Variants in SMOC1 observed in about 807,000 individuals in gnomAD.
SMOC1 encodes the protein SPARC-related modular calcium-binding protein 1.
Under a neutral mutation model 56.3 loss-of-function variants are expected in SMOC1, and 22 were observed. The ratio of observed to expected loss-of-function variants is 0.39; its 90% confidence interval spans 0.28 to 0.56. The LOEUF (loss-of-function observed/expected upper bound fraction) is 0.56, where lower values mean the gene tolerates loss of function less well. Ranked by LOEUF, SMOC1 falls within the 20% of genes least tolerant of loss-of-function variation. The pLI is 0.61. For missense variants in SMOC1, 509 were observed against 565.4 expected (o/e 0.90, Z 1.01); for synonymous variants, 193 against 215.0 (o/e 0.90, Z 0.89).
At chr14:69,924,465 TG>T (rs1884935948) in intron 1 of SMOC1, among the ~76,000 whole-genome samples, 1 of 152,078 alleles carries the variant, frequency 6.6e-6, no homozygotes, top group South Asian at 2.1e-4. Context: ...TCTTTAGAAG[TG>T]GATATCGAAT....
intron 6 of SMOC1, among the ~76,000 whole-genome samples, chr14:69,993,180 G>A (rs1261499564): frequency 6.6e-6 from 1 of 152,134 alleles, no homozygotes; most frequent in Non-Finnish European, 1.5e-5. Context: ...TGTGTAGGTT[G>A]TAGGGACGTT....
At chr14:69,918,916 G>A (rs1884758217) in intron 1 of SMOC1, among the ~76,000 whole-genome samples, 2 of 152,166 alleles carry the variant, frequency 1.3e-5, no homozygotes. Context: ...AAATGGTGCA[G>A]GCAGAAGGAA....
chr14:70,027,559 GT>G (rs140629578), intron 11 of SMOC1, among the ~76,000 whole-genome samples: 3,332 of 152,304 alleles, frequency 0.022, 58 homozygotes, highest in Middle Eastern at 0.085. Flanking sequence ...AGCAGTGTGG[GT>G]ATACCATGAT....
intron 3 of SMOC1, among the ~76,000 whole-genome samples, chr14:69,965,101 GGTGCAGTAGC>G (rs1476444025): frequency 6.6e-6 from 1 of 152,104 alleles, no homozygotes; most frequent in Non-Finnish European, 1.5e-5. Flanking sequence ...GACTAGGCCG[GGTGCAGTAGC>G]GCACGCCTGT....
chr14:69,972,938 C>A (rs1198331411), intron 3 of SMOC1, among the ~76,000 whole-genome samples: 1 of 152,214 alleles, frequency 6.6e-6, no homozygotes, highest in African/African-American at 2.4e-5. Context: ...GGGCGATGGA[C>A]TTGAGGGCAC....
At chr14:69,976,070 G>A (rs958251711) in intron 4 of SMOC1, among the ~76,000 whole-genome samples, 3 of 152,358 alleles carry the variant, frequency 2.0e-5, no homozygotes, top group African/African-American at 4.8e-5. Context: ...AGCACTGGCT[G>A]TAATCTCATA....
intron 1 of SMOC1, among the ~76,000 whole-genome samples, chr14:69,909,763 ATCTGTAT>A (rs1340480603): frequency 4.6e-5 from 7 of 152,216 alleles, no homozygotes; most frequent in African/African-American, 1.4e-4. Flanking sequence ...CACTTAAAAA[ATCTGTAT>A]TCTCATGGAT....
At chr14:69,972,189 T>C (rs1004074118) in intron 3 of SMOC1, among the ~76,000 whole-genome samples, 2 of 152,194 alleles carry the variant, frequency 1.3e-5, no homozygotes, top group Admixed American at 1.3e-4. Flanking sequence ...GTGGCGGAGC[T>C]GGGAGGTGCT....
At chr14:69,904,293 C>T (rs560556395) in intron 1 of SMOC1, among the ~76,000 whole-genome samples, 4 of 152,228 alleles carry the variant, frequency 2.6e-5, no homozygotes, top group African/African-American at 9.6e-5. Flanking sequence ...GGAACTTCTT[C>T]CCACCTATGA....
At chr14:69,953,721 A>G (rs1883089957) in intron 3 of SMOC1, among the ~76,000 whole-genome samples, 189 bp downstream of exon 3, 1 of 152,154 alleles carries the variant, frequency 6.6e-6, no homozygotes. Context: ...CCTCTTGCCA[A>G]CTGGCAGTAG....
chr14:69,951,963 G>C (rs951160553), intron 1 of SMOC1, among the ~76,000 whole-genome samples, 175 bp from the exon 2 acceptor site: 3 of 152,194 alleles, frequency 2.0e-5, no homozygotes, highest in Non-Finnish European at 4.4e-5. Flanking sequence ...GATGCATAGA[G>C]GATGCCTTCC....
At chr14:69,920,748 T>TG (rs1363369728) in intron 1 of SMOC1, among the ~76,000 whole-genome samples, 1 of 152,194 alleles carries the variant, frequency 6.6e-6, no homozygotes, top group African/African-American at 2.4e-5. Context: ...CTGCTTTGCC[T>TG]GGGGCTTTGT....
chr14:69,893,634 T>C (rs1337010946), intron 1 of SMOC1, among the ~76,000 whole-genome samples: 1 of 152,240 alleles, frequency 6.6e-6, no homozygotes, highest in Non-Finnish European at 1.5e-5. Context: ...GGTATATTTA[T>C]ATCAGTTGGA....
intron 3 of SMOC1, among the ~76,000 whole-genome samples, chr14:69,971,461 G>A (rs1013127125): frequency 2.0e-5 from 3 of 152,142 alleles, no homozygotes; most frequent in African/African-American, 7.2e-5. Context: ...TTCGGAGTGG[G>A]ATAGGAGCAG....
chr14:70,009,290 T>G (rs1201390915), intron 7 of SMOC1, among the ~76,000 whole-genome samples: 1 of 152,246 alleles, frequency 6.6e-6, no homozygotes, highest in Non-Finnish European at 1.5e-5. Flanking sequence ...TTTTCGAGCA[T>G]TTTCCTAGCA....
intron 5 of SMOC1, among the ~76,000 whole-genome samples, chr14:69,980,107 G>T (rs1002588766): frequency 6.6e-6 from 1 of 152,178 alleles, no homozygotes; most frequent in African/African-American, 2.4e-5. Flanking sequence ...ACAGTCAACA[G>T]TGAGCACCCT....
intron 3 of SMOC1, among the ~76,000 whole-genome samples, chr14:69,958,367 A>G (rs1210981944): frequency 6.6e-6 from 1 of 152,270 alleles, no homozygotes; most frequent in East Asian, 1.9e-4. Flanking sequence ...ATTCAGAAAG[A>G]AAAAGATCCT....
intron 1 of SMOC1, among the ~76,000 whole-genome samples, chr14:69,902,555 GT>G (rs1003108498): frequency 1.3e-5 from 2 of 152,134 alleles, no homozygotes; most frequent in African/African-American, 4.8e-5. Context: ...CCTTCACCCT[GT>G]GGGACCTCTG....
At chr14:69,931,807 C>T (rs944469387) in intron 1 of SMOC1, among the ~76,000 whole-genome samples, 1 of 152,172 alleles carries the variant, frequency 6.6e-6, no homozygotes, top group African/African-American at 2.4e-5. Flanking sequence ...GAAATGGCCA[C>T]GCTTTAGTGT....
Sources: gnomAD v4.1 joint callset for allele counts (sites outside exome capture counted in the v4.1 genomes callset) on GRCh38, gnomAD v4.1.1 for gene constraint, MANE v1.5 for transcripts, NCBI Gene and HGNC (gene_info 2026-07-23, HGNC 2026-07-21) for gene names.